CIITA: variants seen among roughly 807,000 people sequenced by gnomAD.
The protein encoded by CIITA is class II major histocompatibility complex transactivator.
CIITA carries 72 observed loss-of-function variants against 115.1 expected under a neutral mutation model. The observed-to-expected ratio is 0.63, with a 90% CI of 0.52 to 0.76. The LOEUF is 0.76. Among genes scored for constraint, CIITA ranks in the 30% least tolerant of loss-of-function variants. CIITA has a pLI of 0.00. For synonymous variants in CIITA, 763 were observed against 635.6 expected (o/e 1.20, Z -3.02); for missense variants, 1,617 against 1,463.8 (o/e 1.10, Z -1.71).
chr16:10,897,285 G>A (rs2038228389), intron 3 of CIITA, among the ~76,000 whole-genome samples: 1 of 152,162 alleles, frequency 6.6e-6, no homozygotes, highest in Non-Finnish European at 1.5e-5. Flanking sequence ...GGGGCATCAC[G>A]AGGCAAGAGG....
chr16:10,930,208 T>A lies in CIITA; in HGVS notation c.*6353T>A, dbSNP rs2040723824. 1 of 152,348 alleles carries A rather than the reference T, an allele frequency of 6.6e-6. No individual in the cohort carries two copies. Among genetic ancestry groups the A allele is most frequent in the Non-Finnish European group, 1.5e-5 (1 of 68,134 alleles). 9.4% of individuals were successfully genotyped at this position (152,348 alleles called of 1,614,324 possible). A position where few individuals can be genotyped will look rare whatever the true frequency, so the allele number is the denominator to read the frequency against. On this transcript the variant is annotated 3_prime_UTR_variant, in exon 20 of 20. Transcript: ENST00000324288. ...GCAGCCCCCTCAAGCCCTGCTCTGA[T>A]TCCAAGCCTCATCTCCCAGCTCACT...
At chr16:10,867,353 T>C (rs190332401) in intron 1 of CIITA, among the ~76,000 whole-genome samples, 7 of 150,724 alleles carry the variant, frequency 4.6e-5, no homozygotes, top group African/African-American at 1.5e-4. Context: ...TTTGCATGCA[T>C]TTGCTTGTGT....
intron 11 of CIITA, chr16:10,908,380 C>T (rs577740674): frequency 9.9e-5 from 66 of 667,688 alleles, no homozygotes; most frequent in Admixed American, 6.5e-4. Context: ...TTTGAAGGCC[C>T]GCCATGTGCC....
Position 10,935,306 on chromosome 16 carries a change from T to C in CIITA, c.*11451T>C, listed in dbSNP as rs2040981279. 1 of 152,248 alleles carries C rather than the reference T, an allele frequency of 6.6e-6. No homozygotes were observed. Among genetic ancestry groups the C allele is most frequent in the African/African-American group, 2.4e-5 (1 of 41,466 alleles). 9.4% of individuals were successfully genotyped at this position (152,248 alleles called of 1,614,324 possible). ...TCAGTTTTTGGTCAATCCTTATGATTATTTAGAGGAGAAAGTTCAGTTTGG... is the reference window on the plus strand; with the variant it reads ...TCAGTTTTTGGTCAATCCTTATGATCATTTAGAGGAGAAAGTTCAGTTTGG... On this transcript the variant is annotated 3_prime_UTR_variant, in exon 20 of 20. Transcript: ENST00000324288.
intron 13 of CIITA, among the ~76,000 whole-genome samples, chr16:10,911,255 CTT>C (rs1217501731): frequency 6.7e-6 from 1 of 150,360 alleles, no homozygotes; most frequent in East Asian, 1.9e-4. Context: ...TTCTTTCTCT[CTT>C]TCTTTCCTCT....
At chr16:10,899,118 A>C in intron 5 of CIITA, 116 bp downstream of exon 5, 1 of 995,380 alleles carries the variant, frequency 1.0e-6, no homozygotes, top group Non-Finnish European at 1.6e-6. Context: ...TCTGGTTGGG[A>C]GGCCCTTTAA....
intron 3 of CIITA, among the ~76,000 whole-genome samples, chr16:10,896,030 G>T (rs1203246907): frequency 6.6e-6 from 1 of 150,890 alleles, no homozygotes; most frequent in South Asian, 2.1e-4. Context: ...ATTTCTATAC[G>T]CATTTCTGCT....
intron 13 of CIITA, 120 bp downstream of exon 13, chr16:10,910,379 C>A: frequency 1.1e-6 from 1 of 889,740 alleles, no homozygotes; most frequent in Non-Finnish European, 1.8e-6. Context: ...TCTTGCCCAC[C>A]ACTTTGGAAA....
In CIITA at chr16:10,867,356, G is replaced by T. The variant is rs111936176; in HGVS notation, c.-21+1037G>T. Among the ~76,000 whole-genome samples, 714 of 150,636 alleles carry T rather than the reference G, an allele frequency of 4.7e-3. 4 individuals are homozygous for T. Among genetic ancestry groups the T allele is most frequent in the African/African-American group, 0.017 (682 of 41,216 alleles). On this transcript the variant is annotated intron_variant, in intron 1 of 5. Transcript: ENST00000636238. ...GGCATGTGTGCGTTTGCATGCATTT[G>T]CTTGTGTGTGCATGTGTGTGTCTGT...
intron 16 of CIITA, 142 bp from the exon 17 acceptor site, chr16:10,922,025 G>C (rs539722123): frequency 4.6e-5 from 35 of 767,494 alleles, no homozygotes; most frequent in Admixed American, 3.1e-4. Flanking sequence ...CACAATGCCA[G>C]GCTCTGTTGT....
intron 1 of CIITA, among the ~76,000 whole-genome samples, chr16:10,893,525 C>A (rs866242260): frequency 6.6e-6 from 1 of 152,052 alleles, no homozygotes; most frequent in Non-Finnish European, 1.5e-5. Flanking sequence ...AATTTGCCCA[C>A]TTAAAAAGTA....
chr16:10,903,569 T>C (rs2038933470), intron 8 of CIITA, among the ~76,000 whole-genome samples, 162 bp from the exon 9 acceptor site: 1 of 152,192 alleles, frequency 6.6e-6, no homozygotes, highest in Non-Finnish European at 1.5e-5. Context: ...ACTCCAGAGC[T>C]CTTTCTTCAG....
upstream of CIITA, among the ~76,000 whole-genome samples, chr16:10,872,639 C>A (rs780895380): frequency 6.6e-6 from 1 of 152,206 alleles, no homozygotes; most frequent in South Asian, 2.1e-4. Context: ...TCAGCAGGTC[C>A]AGGTTCTCAT....
chr16:10,932,013 G>A lies in CIITA; in HGVS notation c.*8158G>A, dbSNP rs959481602. 2 of 152,250 alleles carry A rather than the reference G, an allele frequency of 1.3e-5. No individual in the cohort carries two copies. The highest frequency in any genetic ancestry group is 4.8e-5 in the African/African-American group (2 of 41,458). The allele number at this position is 152,250 out of a possible 1,614,324, so 9.4% of individuals were successfully genotyped here. On this transcript the variant is annotated 3_prime_UTR_variant, in exon 20 of 20. Coordinates refer to ENST00000324288, the MANE Select transcript of CIITA (RefSeq NM_000246.4). Reference sequence around the variant, plus strand: ...AAAAGCTGCTGACAGTGTTGTATGAGGTTTGAGGATTTTGATCCAAGCTGG... The same window carrying A: ...AAAAGCTGCTGACAGTGTTGTATGAAGTTTGAGGATTTTGATCCAAGCTGG...
chr16:10,904,019 C>A, intron 9 of CIITA, 124 bp downstream of exon 9: 1 of 1,295,818 alleles, frequency 7.7e-7, no homozygotes, highest in Non-Finnish European at 1.1e-6. Context: ...GTTTAGGGGT[C>A]AGTCGGGACA....
intron 1 of CIITA, among the ~76,000 whole-genome samples, chr16:10,880,511 C>A (rs1022554497): frequency 2.0e-5 from 3 of 152,186 alleles, no homozygotes; most frequent in African/African-American, 4.8e-5. Context: ...ACATAGCAAG[C>A]AGTTTGCAGA....
intron 1 of CIITA, among the ~76,000 whole-genome samples, chr16:10,871,208 G>A (rs1485741323): frequency 6.6e-6 from 1 of 152,202 alleles, no homozygotes; most frequent in Non-Finnish European, 1.5e-5. Flanking sequence ...ACACCATTCA[G>A]TGTAAGCCCC....
At chr16:10,886,872 T>A (rs1452398725) in intron 1 of CIITA, among the ~76,000 whole-genome samples, 1 of 152,180 alleles carries the variant, frequency 6.6e-6, no homozygotes, top group Admixed American at 6.5e-5. Context: ...CCTTAACCAC[T>A]ATGCTATTAT....
At position 10,915,787 on chromosome 16, in the gene CIITA, A is replaced by C; in HGVS notation, c.2969+137A>C. ...CCTGAGTAGCTGGGACCACAGGTGC[A>C]TGCTACAGTGCCCAGCAACCTCTGG... is the stretch of plus-strand genomic sequence containing the variant. On this transcript the variant is annotated intron_variant, in intron 14 of 19. Coordinates refer to ENST00000324288, the MANE Select transcript of CIITA (RefSeq NM_000246.4). 2 of 798,674 alleles carry C rather than the reference A, an allele frequency of 2.5e-6. 1 individual carries two copies. Among genetic ancestry groups the C allele is most frequent in the East Asian group, 5.3e-5 (2 of 37,962 alleles). The allele number at this position is 798,674 out of a possible 1,614,324, so 49.5% of individuals were successfully genotyped here.
Sources: allele counts gnomAD v4.1 joint callset (sites outside exome capture counted in the v4.1 genomes callset), GRCh38; gene constraint gnomAD v4.1.1; transcripts MANE v1.5; gene names NCBI Gene and HGNC (gene_info 2026-07-23, HGNC 2026-07-21).